The following LTBP1 variants were observed in gnomAD, a reference collection of about 807,000 sequenced individuals.
LTBP1 encodes latent-transforming growth factor beta-binding protein 1.
In LTBP1, 129 loss-of-function variants were observed where a neutral mutation model predicts 207.6. The ratio of observed to expected loss-of-function variants is 0.62; its 90% confidence interval spans 0.54 to 0.72. The LOEUF (loss-of-function observed/expected upper bound fraction) is 0.72. Among genes scored for constraint, LTBP1 ranks in the 30% least tolerant of loss-of-function variants. LTBP1 has a pLI of 0.00. For synonymous variants in LTBP1, 963 were observed against 833.7 expected (o/e 1.16, Z -2.67); for missense variants, 2,281 against 2,217.2 (o/e 1.03, Z -0.58).
intron 2 of LTBP1, among the ~76,000 whole-genome samples, chr2:32,983,377 G>C (rs537932503): frequency 1.3e-5 from 2 of 152,290 alleles, no homozygotes; most frequent in East Asian, 3.9e-4. Flanking sequence ...ATAGGTAGAA[G>C]GGACTTGCCT....
intron 12 of LTBP1, among the ~76,000 whole-genome samples, chr2:33,258,349 G>A (rs1358394141): frequency 6.6e-6 from 1 of 152,188 alleles, no homozygotes; most frequent in Non-Finnish European, 1.5e-5. Flanking sequence ...TTGATTCTGA[G>A]GTCAGAATTC....
chr2:33,362,007 G>A (rs1249362561), intron 28 of LTBP1, among the ~76,000 whole-genome samples: 1 of 152,126 alleles, frequency 6.6e-6, no homozygotes, highest in Non-Finnish European at 1.5e-5. Context: ...TTCATAATGA[G>A]AAATGGAAGA....
chr2:33,144,270 G>T (rs899511417), intron 5 of LTBP1, among the ~76,000 whole-genome samples: 2 of 152,166 alleles, frequency 1.3e-5, no homozygotes, highest in African/African-American at 4.8e-5. Context: ...TCCGGTAGGA[G>T]CGCACAGAAG....
chr2:33,055,334 G>A (rs1435041701), intron 3 of LTBP1, among the ~76,000 whole-genome samples: 1 of 152,194 alleles, frequency 6.6e-6, no homozygotes, highest in Non-Finnish European at 1.5e-5. Flanking sequence ...ACTCGAGGAA[G>A]GCAGAAGAAT....
intron 3 of LTBP1, among the ~76,000 whole-genome samples, chr2:33,093,361 T>C (rs2079208848): frequency 6.6e-6 from 1 of 152,210 alleles, no homozygotes; most frequent in Non-Finnish European, 1.5e-5. Flanking sequence ...GATAGCCTGT[T>C]GTTCACGGAT....
chr2:33,338,986 A>G (rs2094584654), intron 24 of LTBP1, among the ~76,000 whole-genome samples: 1 of 152,126 alleles, frequency 6.6e-6, no homozygotes, highest in African/African-American at 2.4e-5. Context: ...AGGGAATGGT[A>G]CTGGTGAGTT....
At chr2:33,219,519 C>T (rs562122432) in intron 8 of LTBP1, among the ~76,000 whole-genome samples, 19 of 152,010 alleles carry the variant, frequency 1.2e-4, no homozygotes, top group Non-Finnish European at 2.2e-4. Flanking sequence ...ATACCTAAAA[C>T]GTTGAAGAGG....
intron 3 of LTBP1, among the ~76,000 whole-genome samples, chr2:33,049,729 C>T (rs2076628050): frequency 6.6e-6 from 1 of 152,098 alleles, no homozygotes. Flanking sequence ...TATACTCAAT[C>T]AGAAGTGTTA....
intron 4 of LTBP1, among the ~76,000 whole-genome samples, chr2:33,118,094 A>G (rs1476921958): frequency 2.6e-5 from 4 of 151,302 alleles, no homozygotes; most frequent in Non-Finnish European, 5.9e-5. Context: ...AGCTTTGCAG[A>G]TGGACCAAGT....
chr2:33,142,274 C>G (rs1266402897), intron 5 of LTBP1, among the ~76,000 whole-genome samples: 1 of 151,960 alleles, frequency 6.6e-6, no homozygotes, highest in African/African-American at 2.4e-5. Flanking sequence ...CCAGGATGGT[C>G]TCGATCTCCT....
chr2:33,322,218 G>A (rs1182055513), intron 24 of LTBP1, among the ~76,000 whole-genome samples: 2 of 151,528 alleles, frequency 1.3e-5, no homozygotes. Flanking sequence ...GTAAACACTT[G>A]CCTTGCAGCC....
At chr2:33,019,993 C>T (rs1427791254) in intron 2 of LTBP1, among the ~76,000 whole-genome samples, 1 of 151,568 alleles carries the variant, frequency 6.6e-6, no homozygotes, top group East Asian at 1.9e-4. Flanking sequence ...GGCTTACAGG[C>T]GTGAGCCACT....
chr2:32,955,479 C>G (rs2148324692), intron 2 of LTBP1, among the ~76,000 whole-genome samples: 1 of 149,646 alleles, frequency 6.7e-6, no homozygotes, highest in African/African-American at 2.5e-5. Context: ...TTTTCTTCCA[C>G]TAATTTTTTT....
intron 31 of LTBP1, among the ~76,000 whole-genome samples, chr2:33,381,763 AT>A (rs942505633): frequency 8.5e-5 from 13 of 152,192 alleles, no homozygotes; most frequent in African/African-American, 3.1e-4. Context: ...GTATTTAATA[AT>A]TTTTTTCCCA....
intron 3 of LTBP1, among the ~76,000 whole-genome samples, chr2:33,084,461 C>T (rs1258655568): frequency 6.6e-6 from 1 of 152,116 alleles, no homozygotes; most frequent in Non-Finnish European, 1.5e-5. Context: ...GCAGTTCATG[C>T]AGAGGAACTC....
intron 4 of LTBP1, among the ~76,000 whole-genome samples, chr2:33,111,196 A>G (rs2080378564): frequency 6.6e-6 from 1 of 152,164 alleles, no homozygotes; most frequent in South Asian, 2.1e-4. Context: ...CCTAGTTTTT[A>G]GTGTATCAAG....
At chr2:33,296,379 A>C (rs1372254564) in intron 20 of LTBP1, among the ~76,000 whole-genome samples, 1 of 152,082 alleles carries the variant, frequency 6.6e-6, no homozygotes, top group Non-Finnish European at 1.5e-5. Flanking sequence ...GATTCTTCAC[A>C]GGGCAGTACT....
intron 3 of LTBP1, among the ~76,000 whole-genome samples, chr2:33,045,217 G>T (rs1038118667): frequency 7.2e-5 from 11 of 152,068 alleles, no homozygotes; most frequent in Admixed American, 6.5e-4. Flanking sequence ...GTATTGCCTA[G>T]GTTTTCTTCT....
At chr2:33,150,135 G>C (rs2150968922) in intron 5 of LTBP1, among the ~76,000 whole-genome samples, 1 of 152,300 alleles carries the variant, frequency 6.6e-6, no homozygotes, top group Middle Eastern at 3.4e-3. Flanking sequence ...TTTGGACCAA[G>C]AAATGGCCCT....
Sources: allele counts gnomAD v4.1 joint callset (sites outside exome capture counted in the v4.1 genomes callset), GRCh38; gene constraint gnomAD v4.1.1; transcripts MANE v1.5; gene names NCBI Gene and HGNC (gene_info 2026-07-23, HGNC 2026-07-21).